The following RFX6 variants were observed in gnomAD, a reference collection of about 807,000 sequenced individuals.
The protein encoded by RFX6 is DNA-binding protein RFX6.
In RFX6, 50 loss-of-function variants were observed where a neutral mutation model predicts 110.8. The ratio of observed to expected loss-of-function variants is 0.45; its 90% CI spans 0.36 to 0.57. The LOEUF (loss-of-function observed/expected upper bound fraction) is 0.57. Among genes scored for constraint, RFX6 ranks in the 20% least tolerant of loss-of-function variants. RFX6 has a pLI of 0.00. For missense variants in RFX6, 990 were observed against 1,127.0 expected (o/e 0.88, Z 1.74); for synonymous variants, 383 against 411.2 (o/e 0.93, Z 0.83).
At chr6:116,889,080 G>A (rs1459497305) in intron 4 of RFX6, among the ~76,000 whole-genome samples, 1 of 152,052 alleles carries the variant, frequency 6.6e-6, no homozygotes, top group Non-Finnish European at 1.5e-5. Flanking sequence ...GCATTACAGT[G>A]GTCATTGCAA....
At chr6:116,883,763 C>A (rs1774642802) in intron 4 of RFX6, among the ~76,000 whole-genome samples, 1 of 152,074 alleles carries the variant, frequency 6.6e-6, no homozygotes, top group Middle Eastern at 3.2e-3. Context: ...AACATAGGTC[C>A]TACTTTTTGA....
At position 116,925,639 on chromosome 6, in the gene RFX6, C is replaced by T; in HGVS notation, c.1865C>T (p.Thr622Ile). 6.2e-7 allele frequency: 1 copy of T among 1,613,222 alleles called. No homozygotes were observed. The part of the protein sequence containing the change: ...PALHQFPAGN[T>I]DNMPLTGQME... Reference sequence around the variant, plus strand: ...CTGCACCAGTTCCCTGCTGGGAACACAGACAACATGCCGCTCACAGGTACG... The same window carrying T: ...CTGCACCAGTTCCCTGCTGGGAACATAGACAACATGCCGCTCACAGGTACG... The change falls in exon 16 of 19, where the codon ACA becomes ATA. Residue 622 changes from threonine to isoleucine, a missense_variant. Transcript: ENST00000332958.
chr6:116,907,255 C>T (rs1775224900), intron 6 of RFX6, among the ~76,000 whole-genome samples: 1 of 152,048 alleles, frequency 6.6e-6, no homozygotes, highest in Admixed American at 6.5e-5. Flanking sequence ...TGGAATTTGG[C>T]TTACTAATAT....
rs186371551 is a variant in RFX6 at position 116,885,406 on chromosome 6, G to A, written c.566+2978G>A. 8.4e-3 allele frequency among the ~76,000 whole-genome samples: 1,279 copies of A among 152,192 alleles called. 83 individuals carry two copies. In the South Asian group the frequency reaches 0.17, roughly 20 times the overall value. ...TAAAATATCTGCACTACAATTAGAA[G>A]TTATTTACTGAGTATTACACACACA... On this transcript the variant is annotated intron_variant, in intron 4 of 18. Transcript: ENST00000332958.
intron 14 of RFX6, among the ~76,000 whole-genome samples, chr6:116,924,043 C>T (rs1215893115): frequency 4.6e-5 from 7 of 152,234 alleles, no homozygotes; most frequent in South Asian, 2.1e-4. Context: ...AAATAGACTT[C>T]CCATATTTAA....
chr6:116,908,641 A>G (rs1434014948), intron 6 of RFX6, among the ~76,000 whole-genome samples: 1 of 150,590 alleles, frequency 6.6e-6, no homozygotes, highest in Non-Finnish European at 1.5e-5. Flanking sequence ...TCTTTGTATA[A>G]TGATTAAGTT....
At chr6:116,915,045 C>T (rs1415772916) in intron 7 of RFX6, among the ~76,000 whole-genome samples, 3 of 152,126 alleles carry the variant, frequency 2.0e-5, no homozygotes, top group Non-Finnish European at 4.4e-5. Flanking sequence ...CACATTCAAC[C>T]TCCAAACATT....
At chr6:116,907,672 T>C (rs1486095674) in intron 6 of RFX6, among the ~76,000 whole-genome samples, 1 of 152,146 alleles carries the variant, frequency 6.6e-6, no homozygotes, top group Non-Finnish European at 1.5e-5. Context: ...AGATGTCCCA[T>C]GTGCTCTTGA....
At chr6:116,889,389 C>T (rs779992044) in intron 4 of RFX6, among the ~76,000 whole-genome samples, 4 of 151,844 alleles carry the variant, frequency 2.6e-5, no homozygotes, top group Admixed American at 6.6e-5. Context: ...TTCTCATCCT[C>T]GAAATCTTAG....
At chr6:116,910,890 T>G (rs1209898296) in intron 6 of RFX6, 45 bp from the exon 7 acceptor site, 1 of 1,218,266 alleles carries the variant, frequency 8.2e-7, no homozygotes, top group South Asian at 1.2e-5. Context: ...TTTGGAAGCA[T>G]ATAGTTGATA....
At chr6:116,923,009 A>T (rs1177469025) in intron 13 of RFX6, 98 bp from the exon 14 acceptor site, 1 of 773,250 alleles carries the variant, frequency 1.3e-6, no homozygotes, top group Non-Finnish European at 2.4e-6. Flanking sequence ...CCATCTGTCC[A>T]TTTGTTAGAC....
At position 116,919,242 on chromosome 6, in the gene RFX6, G is replaced by A. The variant is rs764900976; in HGVS notation, c.1128G>A (p.Val376=). The A allele has an allele frequency of 1.2e-6, 2 of 1,613,498 alleles. No individual in the cohort carries two copies. Among genetic ancestry groups the A allele is most frequent in the Admixed American group, 3.3e-5 (2 of 59,972 alleles). ...EALTDKKIPI[V]RRFVSSLKRQ... ...TAACTGACAAGAAAATACCTATTGT[G>A]CGAAGATTTGTATCTTCTCTGAAAC... The change falls in exon 11 of 19, where the codon GTG becomes GTA. Residue 376 remains valine (V), a synonymous_variant. Transcript: ENST00000332958.
At chr6:116,930,893 A>C (rs937221106) in intron 18 of RFX6, among the ~76,000 whole-genome samples, 5 of 152,066 alleles carry the variant, frequency 3.3e-5, no homozygotes, top group Non-Finnish European at 7.4e-5. Flanking sequence ...GAGACGAGTG[A>C]AAGTTTGATC....
chr6:116,908,140 A>C (rs1453672814), intron 6 of RFX6, among the ~76,000 whole-genome samples: 4 of 152,172 alleles, frequency 2.6e-5, no homozygotes, highest in Admixed American at 1.3e-4. Context: ...TCAACTCCTC[A>C]TTATCCTCCA....
At chr6:116,902,309 A>AT (rs1305023799) in intron 6 of RFX6, among the ~76,000 whole-genome samples, 10 of 152,008 alleles carry the variant, frequency 6.6e-5, no homozygotes, top group African/African-American at 2.4e-4. Context: ...GGTATTTATT[A>AT]TTTTTTCTCT....
intron 4 of RFX6, among the ~76,000 whole-genome samples, chr6:116,888,271 A>G (rs947057392): frequency 6.6e-6 from 1 of 152,246 alleles, no homozygotes; most frequent in Non-Finnish European, 1.5e-5. Context: ...GAAGAAAAGT[A>G]TTAGGCACAA....
chr6:116,919,036 C>T, intron 10 of RFX6, 101 bp from the exon 11 acceptor site: 1 of 1,080,028 alleles, frequency 9.3e-7, no homozygotes, highest in Non-Finnish European at 1.4e-6. Context: ...TTCAAAAGTA[C>T]TGCTTATGAA....
At chr6:116,927,605 G>A (rs558469216) in intron 17 of RFX6, 66 bp downstream of exon 17, 54 of 1,296,952 alleles carry the variant, frequency 4.2e-5, no homozygotes, top group East Asian at 3.8e-4. Flanking sequence ...CAGACATTGC[G>A]TTCCACCTCT....
chr6:116,917,913 T>G, intron 9 of RFX6, 124 bp from the exon 10 acceptor site: 1 of 686,768 alleles, frequency 1.5e-6, no homozygotes, highest in Non-Finnish European at 2.6e-6. Flanking sequence ...AATTATAACT[T>G]TGAGAAAGGA....
Sources: allele counts gnomAD v4.1 joint callset (sites outside exome capture counted in the v4.1 genomes callset), GRCh38; gene constraint gnomAD v4.1.1; transcripts MANE v1.5; gene names NCBI Gene and HGNC (gene_info 2026-07-23, HGNC 2026-07-21).